NALF1: variants seen among roughly 807,000 people sequenced by gnomAD.
The protein encoded by NALF1 is family with sequence similarity 155 member A.
In NALF1, 3 loss-of-function variants were observed where a neutral mutation model predicts 48.4. That is an observed-to-expected ratio of 0.06 (90% CI 0.03 to 0.16). The LOEUF is 0.16. Among genes scored for constraint, NALF1 ranks in the 10% least tolerant of loss-of-function variants. The probability of loss-of-function intolerance (pLI) is 1.00; values close to 1 mark genes in which losing one functional copy is unlikely to be tolerated. For synonymous variants in NALF1, 262 were observed against 245.7 expected (o/e 1.07, Z -0.62); for missense variants, 526 against 571.5 (o/e 0.92, Z 0.81).
chr13:107,535,350 G>A (rs1010240592), intron 1 of NALF1, among the ~76,000 whole-genome samples: 7 of 152,094 alleles, frequency 4.6e-5, no homozygotes, highest in South Asian at 4.1e-4. Flanking sequence ...TTTGAGATAC[G>A]TCCCATCAAT....
intron 1 of NALF1, among the ~76,000 whole-genome samples, chr13:107,583,631 G>A (rs986266330): frequency 6.6e-6 from 1 of 152,092 alleles, no homozygotes; most frequent in Non-Finnish European, 1.5e-5. Context: ...AATACACTGT[G>A]AGCACATATG....
At chr13:107,784,271 G>C (rs942083563) in intron 1 of NALF1, among the ~76,000 whole-genome samples, 4 of 152,178 alleles carry the variant, frequency 2.6e-5, no homozygotes, top group Non-Finnish European at 5.9e-5. Context: ...ACCCGAACAG[G>C]AGGTGAAAGC....
At chr13:107,805,338 G>C (rs1319820824) in intron 1 of NALF1, among the ~76,000 whole-genome samples, 1 of 152,066 alleles carries the variant, frequency 6.6e-6, no homozygotes, top group African/African-American at 2.4e-5. Context: ...CCTCAAGTGA[G>C]CCAAAAACCT....
intron 1 of NALF1, among the ~76,000 whole-genome samples, chr13:107,638,376 C>A (rs1880049643): frequency 6.6e-6 from 1 of 151,664 alleles, no homozygotes; most frequent in African/African-American, 2.4e-5. Flanking sequence ...CACTGAGTAA[C>A]CTAGGTAAGG....
At chr13:107,357,541 C>A (rs921615483) in intron 1 of NALF1, among the ~76,000 whole-genome samples, 14 of 152,102 alleles carry the variant, frequency 9.2e-5, no homozygotes, top group African/African-American at 3.1e-4. Context: ...AACAACAAAA[C>A]CAAACCTTAC....
chr13:107,480,707 T>A (rs1307714540), intron 1 of NALF1, among the ~76,000 whole-genome samples: 10 of 152,238 alleles, frequency 6.6e-5, no homozygotes, highest in Admixed American at 3.9e-4. Flanking sequence ...ACAAGCTTAC[T>A]ATAGAACATT....
At chr13:107,791,620 T>C (rs535320469) in intron 1 of NALF1, among the ~76,000 whole-genome samples, 32 of 152,172 alleles carry the variant, frequency 2.1e-4, no homozygotes, top group Non-Finnish European at 4.6e-4. Context: ...GTACTCAGAA[T>C]TGACAAAAAT....
Position 107,606,540 on chromosome 13 carries a change from A to AT in NALF1, c.915+259141dup, listed in dbSNP as rs546973112. Among the ~76,000 whole-genome samples, 182 of 151,948 alleles carry AT rather than the reference A, an allele frequency of 1.2e-3. 1 individual carries two copies. The highest frequency in any genetic ancestry group is 3.7e-3 in the African/African-American group (153 of 41,426). The stretch of plus-strand genomic sequence containing the variant: ...GCCACAGTGCCCAGCTAATTTTTGT[A>AT]TTTTTAGTAGAGTCAGGGTTTCACC... On this transcript the variant is annotated intron_variant, in intron 1 of 2. Coordinates refer to ENST00000375915, the MANE Select transcript of NALF1 (RefSeq NM_001080396.3).
chr13:107,237,991 T>C (rs1880388905), intron 1 of NALF1, among the ~76,000 whole-genome samples: 1 of 152,182 alleles, frequency 6.6e-6, no homozygotes, highest in Admixed American at 6.5e-5. Flanking sequence ...TATACCTGTG[T>C]GTGTGTAAAA....
At position 107,264,505 on chromosome 13, in the gene NALF1, A is replaced by G. The variant is rs577419382; in HGVS notation, c.916-53750T>C. On this transcript the variant is annotated intron_variant, in intron 1 of 2. Transcript: ENST00000375915. ...TTTTATTTGTTAATTACACAAAGAG[A>G]ACATAATTTCATCTTCACTAAAAAT... Among the ~76,000 whole-genome samples, 3 of 152,336 alleles carry G rather than the reference A, an allele frequency of 2.0e-5. No individual in the cohort carries two copies. In the East Asian group the frequency reaches 5.8e-4, roughly 29 times the overall value.
intron 1 of NALF1, among the ~76,000 whole-genome samples, chr13:107,262,109 A>T (rs528855979): frequency 1.4e-4 from 21 of 152,328 alleles, no homozygotes; most frequent in Admixed American, 1.2e-3. Context: ...AAGTAAAACA[A>T]GCTATCATGA....
At chr13:107,530,566 C>T (rs1461789926) in intron 1 of NALF1, among the ~76,000 whole-genome samples, 2 of 152,110 alleles carry the variant, frequency 1.3e-5, no homozygotes, top group African/African-American at 2.4e-5. Flanking sequence ...TTAGTATATT[C>T]ATAACATGTG....
rs189895148 is a variant in NALF1, at chr13:107,407,212, C to A, written c.916-196457G>T. Among the ~76,000 whole-genome samples, 328 of 152,058 alleles carry A rather than the reference C, an allele frequency of 2.2e-3. 2 individuals are homozygous for A. The highest frequency in any genetic ancestry group is 7.0e-3 in the African/African-American group (291 of 41,532). ...TCTTCAAGACACTGAGCAAAGATAT[C>A]TTGTGTCATACCCCGCAAGCACAAG... On this transcript the variant is annotated intron_variant, in intron 1 of 2. Coordinates refer to ENST00000375915, the MANE Select transcript of NALF1 (RefSeq NM_001080396.3).
intron 1 of NALF1, among the ~76,000 whole-genome samples, chr13:107,395,903 A>G (rs1020566049): frequency 4.6e-5 from 7 of 152,118 alleles, no homozygotes; most frequent in African/African-American, 1.7e-4. Flanking sequence ...TTTTATCTTA[A>G]TAACCTCTTT....
At chr13:107,267,820 T>C (rs1194027411) in intron 1 of NALF1, among the ~76,000 whole-genome samples, 1 of 152,088 alleles carries the variant, frequency 6.6e-6, no homozygotes. Context: ...GTCGATCTGA[T>C]AACCGCGATG....
intron 1 of NALF1, among the ~76,000 whole-genome samples, chr13:107,719,466 G>A (rs1299401084): frequency 6.6e-6 from 1 of 151,854 alleles, no homozygotes; most frequent in African/African-American, 2.4e-5. Flanking sequence ...ACACAATCGT[G>A]CTTCCCCTTT....
At chr13:107,820,094 CTTCT>C (rs1879322568) in intron 1 of NALF1, among the ~76,000 whole-genome samples, 1 of 152,178 alleles carries the variant, frequency 6.6e-6, no homozygotes, top group South Asian at 2.1e-4. Context: ...CCCAAGTACC[CTTCT>C]TTCTGCAGGA....
chr13:107,228,911 ACGCC>A (rs1466094409), intron 1 of NALF1, among the ~76,000 whole-genome samples: 1 of 151,794 alleles, frequency 6.6e-6, no homozygotes, highest in Non-Finnish European at 1.5e-5. Context: ...ATGAGCCACC[ACGCC>A]CGCCTGGGTG....
chr13:107,855,140 C>A (rs1171264811), intron 1 of NALF1, among the ~76,000 whole-genome samples: 1 of 152,174 alleles, frequency 6.6e-6, no homozygotes, highest in African/African-American at 2.4e-5. Flanking sequence ...CACATGCTTG[C>A]TCCATTGTAT....
Sources: gnomAD v4.1 joint callset for allele counts (sites outside exome capture counted in the v4.1 genomes callset) on GRCh38, gnomAD v4.1.1 for gene constraint, MANE v1.5 for transcripts, NCBI Gene and HGNC (gene_info 2026-07-23, HGNC 2026-07-21) for gene names.